Variants in SERPINB8 observed in about 807,000 individuals in gnomAD.
The protein encoded by SERPINB8 is serpin family B member 8, also known as serpin B8.
A neutral mutation model predicts 35.3 loss-of-function variants in SERPINB8; 25 were observed. That is an observed-to-expected ratio of 0.71 (90% CI 0.52 to 0.99). The LOEUF (loss-of-function observed/expected upper bound fraction) is 0.99. SERPINB8 is among the 50% of genes least tolerant of loss of function. The pLI is 0.00. For missense variants in SERPINB8, 484 were observed against 446.5 expected, an observed-to-expected ratio of 1.08 and a Z score of -0.76; for synonymous variants, 186 against 160.8, an observed-to-expected ratio of 1.16 and a Z score of -1.19.
intron 3 of SERPINB8, 66 bp downstream of exon 3, chr18:63,980,004 A>T (rs1417018310): frequency 6.6e-7 from 1 of 1,514,068 alleles, no homozygotes; most frequent in Admixed American, 1.7e-5. Context: ...AAGAGCAGAT[A>T]ATAAAGTATA....
At chr18:63,998,627 G>C (rs1388471060) in intron 1 of SERPINB8, among the ~76,000 whole-genome samples, 5 of 152,152 alleles carry the variant, frequency 3.3e-5, no homozygotes, top group Non-Finnish European at 7.3e-5. Context: ...TCCCTCAGTT[G>C]CACACCCCTC....
At chr18:64,000,768 T>C (rs549775402) in intron 1 of SERPINB8, among the ~76,000 whole-genome samples, 1 of 152,198 alleles carries the variant, frequency 6.6e-6, no homozygotes, top group Non-Finnish European at 1.5e-5. Context: ...AGACTCCAGC[T>C]CCAATCTCCC....
At chr18:63,996,053 G>T (rs916720935) in intron 1 of SERPINB8, among the ~76,000 whole-genome samples, 1 of 150,586 alleles carries the variant, frequency 6.6e-6, no homozygotes. Context: ...GTGTAGACCT[G>T]GTGGGTTTTA....
intron 7 of SERPINB8, among the ~76,000 whole-genome samples, chr18:64,015,263 C>A (rs565873729): frequency 1.3e-5 from 2 of 152,218 alleles, no homozygotes; most frequent in Admixed American, 1.3e-4. Flanking sequence ...GTCTCAGTAA[C>A]CGGGCAAGGG....
intron 1 of SERPINB8, among the ~76,000 whole-genome samples, chr18:63,998,295 CA>C (rs1483152387): frequency 6.6e-6 from 1 of 152,144 alleles, no homozygotes; most frequent in Non-Finnish European, 1.5e-5. Context: ...TCAGTCCCTC[CA>C]AAACCATATT....
chr18:63,987,022 A>T lies in SERPINB8; in HGVS notation c.869A>T (p.Asp290Val), dbSNP rs769768564. 6.2e-7 allele frequency: 1 copy of T among 1,614,236 alleles called. No homozygotes were observed. Among genetic ancestry groups the T allele is most frequent in the Non-Finnish European group, 8.5e-7 (1 of 1,180,048 alleles). Reference sequence around the variant, plus strand: ...TTCCTTCGAAGATTAGGAATGATCGATGCTTTTGACGAAGCCAAGGCAGAC... The same window carrying T: ...TTCCTTCGAAGATTAGGAATGATCGTTGCTTTTGACGAAGCCAAGGCAGAC... ...EPFLRRLGMI[D>V]AFDEAKADFS... The change falls in exon 7 of 7, where the codon GAT becomes GTT. Residue 290 changes from aspartate to valine, a missense_variant. Transcript: ENST00000397985.
chr18:63,978,418 C>G lies in SERPINB8; in HGVS notation c.110C>G (p.Ser37Cys). The G allele has an allele frequency of 6.2e-7, 1 of 1,614,238 alleles. No individual in the cohort carries two copies. The highest frequency in any genetic ancestry group is 8.5e-7 in the Non-Finnish European group (1 of 1,180,042). The change falls in exon 2 of 7, where the codon TCT becomes TGT. Residue 37 changes from serine to cysteine, a missense_variant. Transcript: ENST00000397985. ...TTCTTCTCTCCCATGAGCATCTCCT[C>G]TGCCCTGGCCATGGTCTTCATGGGG... is the stretch of plus-strand genomic sequence containing the variant. ...NVFFSPMSIS[S>C]ALAMVFMGAK... is the part of the protein sequence containing the mutation.
chr18:63,998,729 G>A (rs1365181230), intron 1 of SERPINB8, among the ~76,000 whole-genome samples: 1 of 152,126 alleles, frequency 6.6e-6, no homozygotes, highest in Non-Finnish European at 1.5e-5. Context: ...AAATCAGTGG[G>A]AGATCAGGAA....
intron 3 of SERPINB8, 86 bp downstream of exon 3, chr18:63,980,024 A>C (rs1378054131): frequency 1.1e-5 from 14 of 1,326,884 alleles, no homozygotes; most frequent in Non-Finnish European, 1.4e-5. Flanking sequence ...AACTGTACTG[A>C]CTTAAAACGT....
chr18:64,006,326 G>A (rs184797693), downstream of SERPINB8, among the ~76,000 whole-genome samples: 12 of 152,332 alleles, frequency 7.9e-5, no homozygotes, highest in East Asian at 2.3e-3. Flanking sequence ...AAATTCATAT[G>A]TTGAAGCTCT....
downstream of SERPINB8, among the ~76,000 whole-genome samples, chr18:63,992,263 T>C (rs1038840260): frequency 6.6e-6 from 1 of 152,230 alleles, no homozygotes; most frequent in African/African-American, 2.4e-5. Flanking sequence ...AGTGGCTTTA[T>C]ATTGCAACTC....
chr18:63,978,240 C>A, intron 1 of SERPINB8, 59 bp from the exon 2 acceptor site: 1 of 1,583,478 alleles, frequency 6.3e-7, no homozygotes, highest in Non-Finnish European at 8.7e-7. Flanking sequence ...GGATGAATGA[C>A]TGCGTGGCTA....
intron 1 of SERPINB8, among the ~76,000 whole-genome samples, chr18:63,975,879 C>T (rs1568268882): frequency 6.6e-6 from 1 of 152,186 alleles, no homozygotes; most frequent in Non-Finnish European, 1.5e-5. Flanking sequence ...CCCCTTTCCT[C>T]CTGTGCTCTA....
In SERPINB8 at chr18:63,979,985, A is replaced by G. The variant is rs759634254; in HGVS notation, c.306+47A>G. The G allele has an allele frequency of 1.5e-5, 23 of 1,575,902 alleles. No homozygotes were observed. The South Asian group carries it at 2.3e-4, about 16-fold the overall frequency. ...ATGACAAAGAAATTGAAAGTAAGTT[A>G]GACTACAGAAGAGCAGATAATAAAG... On this transcript the variant is annotated intron_variant, in intron 3 of 6. Coordinates refer to ENST00000397985, the MANE Select transcript of SERPINB8 (RefSeq NM_002640.4).
chr18:64,006,114 T>C (rs2050898872), downstream of SERPINB8, among the ~76,000 whole-genome samples: 1 of 152,110 alleles, frequency 6.6e-6, no homozygotes, highest in Non-Finnish European at 1.5e-5. Flanking sequence ...CAATGACAAG[T>C]TTTCTAAAGT....
In SERPINB8 at chr18:63,987,848, T is replaced by C. The variant is rs139580128; in HGVS notation, c.*570T>C. ...TCTTTCCATAAGCCTGAGATACAAG[T>C]TCAGGGACTCAGCAATGCACTTTAG... is the stretch of plus-strand genomic sequence containing the variant. On this transcript the variant is annotated 3_prime_UTR_variant, in exon 7 of 7. Transcript: ENST00000397985. 3.1e-3 allele frequency: 479 copies of C among 152,840 alleles called. No individual in the cohort carries two copies. Among genetic ancestry groups the C allele is most frequent in the Non-Finnish European group, 5.4e-3 (369 of 68,456 alleles). 9.5% of individuals were successfully genotyped at this position (152,840 alleles called of 1,614,324 possible).
At chr18:63,979,713 T>G in intron 2 of SERPINB8, 88 bp from the exon 3 acceptor site, 5 of 1,494,948 alleles carry the variant, frequency 3.3e-6, no homozygotes, top group Non-Finnish European at 4.6e-6. Context: ...TCCTGTGTGG[T>G]TTTTTTAGTA....
downstream of SERPINB8, among the ~76,000 whole-genome samples, chr18:64,006,644 G>T (rs2050901354): frequency 6.6e-6 from 1 of 152,202 alleles, no homozygotes; most frequent in African/African-American, 2.4e-5. Context: ...AGAGACGATG[G>T]AAGTAGCGTG....
downstream of SERPINB8, among the ~76,000 whole-genome samples, chr18:63,992,374 A>C (rs915395599): frequency 2.0e-5 from 3 of 152,234 alleles, no homozygotes; most frequent in African/African-American, 7.2e-5. Flanking sequence ...TTTTCTAGTC[A>C]TCAAATTTAC....
Sources: gnomAD v4.1 joint callset for allele counts (sites outside exome capture counted in the v4.1 genomes callset) on GRCh38, gnomAD v4.1.1 for gene constraint, MANE v1.5 for transcripts, NCBI Gene and HGNC (gene_info 2026-07-23, HGNC 2026-07-21) for gene names.